The following ITPR1 variants were observed in gnomAD, a reference collection of about 807,000 sequenced individuals.
ITPR1 encodes inositol 1,4,5-trisphosphate-gated calcium channel ITPR1.
In ITPR1, 96 loss-of-function variants were observed where a neutral mutation model predicts 318.4. The ratio of observed to expected loss-of-function variants is 0.30; its 90% CI spans 0.26 to 0.36. The LOEUF (loss-of-function observed/expected upper bound fraction) is 0.36, where lower values mean the gene tolerates loss of function less well. ITPR1 is among the 10% of genes least tolerant of loss of function. ITPR1 has a pLI of 1.00. For synonymous variants in ITPR1, 1,312 were observed against 1,289.9 expected, an observed-to-expected ratio of 1.02 and a Z score of -0.37; for missense variants, 2,440 against 3,460.2, an observed-to-expected ratio of 0.71 and a Z score of 7.40.
intron 5 of ITPR1, among the ~76,000 whole-genome samples, chr3:4,638,199 A>G (rs2093248051): frequency 6.6e-6 from 1 of 152,180 alleles, no homozygotes; most frequent in African/African-American, 2.4e-5. Context: ...CAAGGAAAGG[A>G]GACCCTCTAG....
intron 5 of ITPR1, among the ~76,000 whole-genome samples, chr3:4,637,744 T>G (rs1408811131): frequency 1.3e-5 from 2 of 152,204 alleles, no homozygotes; most frequent in Non-Finnish European, 1.5e-5. Context: ...GGCTTAGAAT[T>G]GCTTCTGGCA....
At chr3:4,745,254 C>T (rs1465803543) in intron 44 of ITPR1, among the ~76,000 whole-genome samples, 2 of 151,374 alleles carry the variant, frequency 1.3e-5, no homozygotes, top group Admixed American at 1.3e-4. Flanking sequence ...CGTTTTCTTC[C>T]CTAGAGTCAT....
At chr3:4,812,039 CT>C (rs9311415) in intron 56 of ITPR1, among the ~76,000 whole-genome samples, 25,785 of 137,684 alleles carry the variant, frequency 0.19, 2,349 homozygotes, top group East Asian at 0.27. Flanking sequence ...ACATGTATGT[CT>C]TTTTTTTTTT....
At chr3:4,570,987 G>A (rs989570328) in intron 4 of ITPR1, among the ~76,000 whole-genome samples, 9 of 152,206 alleles carry the variant, frequency 5.9e-5, no homozygotes, top group Admixed American at 4.6e-4. Context: ...TGGACAGAGT[G>A]AGGTGACTGA....
Position 4,697,315 on chromosome 3 carries a change from G to GGTGTGTGTGTGTGA in ITPR1, c.4407+56_4407+57insAGTGTGTGTGTGTG, listed in dbSNP as rs1553699269. The GGTGTGTGTGTGTGA allele has an allele frequency of 9.3e-6, 8 of 864,094 alleles. No homozygotes were observed. The African/African-American group carries it at 1.3e-4, about 14-fold the overall frequency. The allele number at this position is 864,094 out of a possible 1,614,324, so 53.5% of individuals were successfully genotyped here. The stretch of plus-strand genomic sequence containing the variant: ...GAGGAGGCAGAGTTGGAGAGTGAGA[G>GGTGTGTGTGTGTGA]GTGTGTGTGTGTGTGTGTGTGTGTG... On this transcript the variant is annotated intron_variant, in intron 34 of 61. Transcript: ENST00000649015.
At chr3:4,759,153 C>A (rs970922155) in intron 44 of ITPR1, among the ~76,000 whole-genome samples, 1 of 152,228 alleles carries the variant, frequency 6.6e-6, no homozygotes, top group Non-Finnish European at 1.5e-5. Flanking sequence ...CCACTAGCCC[C>A]TAACCTCGGG....
At chr3:4,525,564 T>A (rs1299084618) in intron 4 of ITPR1, among the ~76,000 whole-genome samples, 1 of 152,188 alleles carries the variant, frequency 6.6e-6, no homozygotes, top group Admixed American at 6.5e-5. Flanking sequence ...TTCATCTGAA[T>A]GAATTTTGGA....
At chr3:4,771,851 G>A (rs2046210179) in intron 46 of ITPR1, among the ~76,000 whole-genome samples, 1 of 152,102 alleles carries the variant, frequency 6.6e-6, no homozygotes, top group South Asian at 2.1e-4. Flanking sequence ...ATCCTTTGTT[G>A]AAATATACTA....
At chr3:4,531,265 G>T (rs1407532725) in intron 4 of ITPR1, among the ~76,000 whole-genome samples, 1 of 152,134 alleles carries the variant, frequency 6.6e-6, no homozygotes, top group Non-Finnish European at 1.5e-5. Flanking sequence ...TTGCTTCGTG[G>T]GAATAAAGCT....
chr3:4,661,973 T>C, intron 14 of ITPR1, 109 bp from the exon 15 acceptor site: 1 of 867,838 alleles, frequency 1.2e-6, no homozygotes. Flanking sequence ...AACTGCAAGA[T>C]AGCTCTAGTA....
chr3:4,730,904 C>T (rs1241254014), intron 42 of ITPR1, among the ~76,000 whole-genome samples: 3 of 152,130 alleles, frequency 2.0e-5, no homozygotes, highest in Admixed American at 6.5e-5. Flanking sequence ...TCCCTGGCTG[C>T]GGCTTACGGG....
At chr3:4,583,200 G>T (rs1174028877) in intron 4 of ITPR1, among the ~76,000 whole-genome samples, 2 of 152,156 alleles carry the variant, frequency 1.3e-5, no homozygotes, top group East Asian at 3.8e-4. Flanking sequence ...TTAAATGGAA[G>T]TGGTCTCATA....
At chr3:4,644,266 G>T in intron 8 of ITPR1, 32 bp downstream of exon 8, 1 of 1,477,508 alleles carries the variant, frequency 6.8e-7, no homozygotes, top group African/African-American at 1.4e-5. Context: ...TGTGGGTGTG[G>T]TTATCCTGCA....
chr3:4,815,029 G>C lies in ITPR1; in HGVS notation c.7702-24G>C, dbSNP rs377477867. The C allele has an allele frequency of 1.5e-5, 24 of 1,594,994 alleles. No individual in the cohort carries two copies. The African/African-American group carries it at 2.9e-4, about 20-fold the overall frequency. On this transcript the variant is annotated intron_variant, in intron 58 of 61. Transcript: ENST00000649015. ...CAAAGGGTCGCAAGGGACCCAGACTGATCCAGACACCTCTCTTTTCCAGGA... is the reference window on the plus strand; with the variant it reads ...CAAAGGGTCGCAAGGGACCCAGACTCATCCAGACACCTCTCTTTTCCAGGA...
intron 12 of ITPR1, among the ~76,000 whole-genome samples, chr3:4,657,468 GA>G (rs1480473484): frequency 9.1e-5 from 13 of 142,832 alleles, no homozygotes; most frequent in African/African-American, 3.1e-4. Flanking sequence ...GTTTTTGAAA[GA>G]TTTTTTTTTT....
intron 4 of ITPR1, among the ~76,000 whole-genome samples, chr3:4,530,491 G>A (rs560337171): frequency 6.6e-6 from 1 of 152,318 alleles, no homozygotes; most frequent in Non-Finnish European, 1.5e-5. Flanking sequence ...CTCTTGAAAA[G>A]CTTTCCTGTA....
At chr3:4,785,719 C>T (rs1395771735) in intron 51 of ITPR1, among the ~76,000 whole-genome samples, 1 of 152,166 alleles carries the variant, frequency 6.6e-6, no homozygotes, top group African/African-American at 2.4e-5. Context: ...CCTTGACTCA[C>T]TGGGGAGAAG....
chr3:4,663,169 G>A lies in ITPR1; in HGVS notation c.1517G>A (p.Arg506Gln), dbSNP rs368765538. Residue 506 changes from arginine to glutamine, a missense_variant, in exon 16 of 62, where the codon CGG (arginine) becomes CAG (glutamine). By Grantham distance (43) the Arg-to-Gln change is conservative (BLOSUM62 1). This residue lies in a region of ITPR1 where 478 missense variants were observed against 696.3 expected (regional missense o/e 0.69). Transcript: ENST00000649015. ...EVVFSKPNRE[R>Q]QKLMREQNIL... Reference sequence around the variant, plus strand: ...GTCTTCTCCAAGCCCAACAGAGAACGGCAGAAACTGATGAGAGAACAGAAT... The same window carrying A: ...GTCTTCTCCAAGCCCAACAGAGAACAGCAGAAACTGATGAGAGAACAGAAT... 3.7e-6 allele frequency: 6 copies of A among 1,613,418 alleles called. No individual in the cohort carries two copies. Among genetic ancestry groups the A allele is most frequent in the Non-Finnish European group, 5.1e-6 (6 of 1,179,684 alleles).
intron 10 of ITPR1, among the ~76,000 whole-genome samples, chr3:4,646,316 G>A (rs190105042): frequency 6.6e-6 from 1 of 152,346 alleles, no homozygotes; most frequent in East Asian, 1.9e-4. Flanking sequence ...AAGAATTAAG[G>A]AAGACTTCCT....
Sources: allele counts gnomAD v4.1 joint callset (sites outside exome capture counted in the v4.1 genomes callset), GRCh38; gene constraint gnomAD v4.1.1; regional missense constraint gnomAD v4.1.1; transcripts MANE v1.5; gene names NCBI Gene and HGNC (gene_info 2026-07-23, HGNC 2026-07-21).